TDRD5: variants seen among roughly 807,000 people sequenced by gnomAD.
TDRD5 encodes tudor domain-containing protein 5.
In TDRD5, 41 loss-of-function variants were observed where a neutral mutation model predicts 120.6. The ratio of observed to expected loss-of-function variants is 0.34; its 90% CI spans 0.26 to 0.44. TDRD5 has a LOEUF of 0.44. TDRD5 is among the 20% of genes least tolerant of loss of function. The pLI is 1.00. For synonymous variants in TDRD5, 430 were observed against 433.7 expected (o/e 0.99, Z 0.11); for missense variants, 1,006 against 1,221.2 (o/e 0.82, Z 2.63).
intron 11 of TDRD5, among the ~76,000 whole-genome samples, chr1:179,644,729 T>A (rs1678248330): frequency 6.6e-6 from 1 of 152,138 alleles, no homozygotes; most frequent in Non-Finnish European, 1.5e-5. Flanking sequence ...ATTTGTATCT[T>A]TTTTAAGGAT....
chr1:179,625,534 T>C (rs2101984424), intron 6 of TDRD5, among the ~76,000 whole-genome samples: 1 of 152,346 alleles, frequency 6.6e-6, no homozygotes, highest in African/African-American at 2.4e-5. Flanking sequence ...GAGTGACTGA[T>C]AAACATATGA....
chr1:179,646,664 G>A (rs867259876), intron 11 of TDRD5, among the ~76,000 whole-genome samples: 11 of 152,174 alleles, frequency 7.2e-5, no homozygotes, highest in South Asian at 4.2e-4. Flanking sequence ...AAGTCAAATC[G>A]TCCCTGTCTG....
chr1:179,651,502 C>T (rs12751914), intron 12 of TDRD5, among the ~76,000 whole-genome samples: 25,920 of 151,896 alleles, frequency 0.17, 2,855 homozygotes, highest in Non-Finnish European at 0.24. Context: ...CTGAAACTGT[C>T]CTAGAGAAGA....
chr1:179,605,674 A>G (rs905587604), intron 4 of TDRD5, among the ~76,000 whole-genome samples: 5 of 152,024 alleles, frequency 3.3e-5, no homozygotes, highest in Non-Finnish European at 5.9e-5. Context: ...TACTGTCACT[A>G]TAGTTTTGCT....
chr1:179,649,098 G>A (rs944009441), intron 11 of TDRD5, among the ~76,000 whole-genome samples: 2 of 152,148 alleles, frequency 1.3e-5, no homozygotes, highest in African/African-American at 4.8e-5. Flanking sequence ...TTTAATAGAT[G>A]TTCCTTTGAA....
intron 4 of TDRD5, among the ~76,000 whole-genome samples, chr1:179,598,945 C>A (rs954777114): frequency 6.6e-6 from 1 of 151,896 alleles, no homozygotes; most frequent in African/African-American, 2.4e-5. Context: ...TTGACTTGTT[C>A]CTAACTATAT....
intron 6 of TDRD5, among the ~76,000 whole-genome samples, chr1:179,623,542 C>T (rs1394107940): frequency 1.3e-5 from 2 of 148,548 alleles, no homozygotes; most frequent in Non-Finnish European, 3.0e-5. Context: ...CTGGTGAATT[C>T]TGTTAAAACA....
chr1:179,681,445 T>TG (rs1214460116), intron 17 of TDRD5, among the ~76,000 whole-genome samples: 66 of 152,302 alleles, frequency 4.3e-4, no homozygotes, highest in Non-Finnish European at 5.9e-5. Context: ...ATCCAGTTCT[T>TG]GCTATTTTTG....
chr1:179,617,992 T>G (rs971431620), intron 4 of TDRD5, among the ~76,000 whole-genome samples: 1 of 152,162 alleles, frequency 6.6e-6, no homozygotes, highest in African/African-American at 2.4e-5. Flanking sequence ...ATGTCTGACC[T>G]CCCTCCTCTT....
chr1:179,593,174 A>G (rs1035502288), intron 2 of TDRD5, among the ~76,000 whole-genome samples: 4 of 152,196 alleles, frequency 2.6e-5, no homozygotes, highest in Non-Finnish European at 1.5e-5. Context: ...ACAAGAAAAA[A>G]CTATTGTAGG....
Position 179,618,198 on chromosome 1 carries a change from G to A in TDRD5, c.832-401G>A, listed in dbSNP as rs1466332414. On this transcript the variant is annotated intron_variant, in intron 4 of 17. Coordinates refer to ENST00000444136, the MANE Select transcript of TDRD5 (RefSeq NM_001199085.3). ...GTCCTTTAGGGCCAGTTGTCCCACC[G>A]TCCAGGGACGTTCCACCATCCCATC... Among the ~76,000 whole-genome samples, 3 of 152,112 alleles carry A rather than the reference G, an allele frequency of 2.0e-5. No individual in the cohort carries two copies. In the South Asian group the frequency reaches 6.2e-4, roughly 32 times the overall value.
chr1:179,630,895 T>G lies in TDRD5; in HGVS notation c.1101T>G (p.Asp367Glu). 6.2e-7 allele frequency: 1 copy of G among 1,613,564 alleles called. No individual in the cohort carries two copies. Among genetic ancestry groups the G allele is most frequent in the Non-Finnish European group, 8.5e-7 (1 of 1,179,700 alleles). ...RKGHQDLLVF[D>E]ADKKPLPPVQ... ...GACACCAAGACTTACTAGTGTTTGA[T>G]GCGGATAAGAAGCCTCTACCACCTG... The change falls in exon 7 of 18, where the codon GAT becomes GAG. Residue 367 changes from aspartate to glutamate, a missense_variant. This residue lies in a region of TDRD5 where 445 missense variants were observed against 515.5 expected (regional missense o/e 0.86). Transcript: ENST00000444136.
intron 4 of TDRD5, among the ~76,000 whole-genome samples, chr1:179,596,649 T>A (rs1409429021): frequency 1.3e-5 from 2 of 152,236 alleles, no homozygotes; most frequent in Non-Finnish European, 2.9e-5. Flanking sequence ...TATCAGTAAT[T>A]TGTTCCTTTT....
chr1:179,609,998 C>T (rs1239252377), intron 4 of TDRD5, among the ~76,000 whole-genome samples: 3 of 152,068 alleles, frequency 2.0e-5, no homozygotes, highest in African/African-American at 7.2e-5. Flanking sequence ...CTTCCTACAC[C>T]ATATCCTGAA....
chr1:179,663,299 G>T, intron 15 of TDRD5, 49 bp from the exon 16 acceptor site: 3 of 1,548,612 alleles, frequency 1.9e-6, no homozygotes, highest in Non-Finnish European at 1.7e-6. Flanking sequence ...CTCTTTTTGG[G>T]TCATGTTGCA....
chr1:179,609,159 T>A (rs1254988302), intron 4 of TDRD5, among the ~76,000 whole-genome samples: 2 of 151,872 alleles, frequency 1.3e-5, no homozygotes, highest in East Asian at 3.9e-4. Flanking sequence ...TCAAAGAGAG[T>A]GCTCACCAGG....
chr1:179,688,646 A>G (rs928922885), intron 17 of TDRD5, among the ~76,000 whole-genome samples: 1 of 152,176 alleles, frequency 6.6e-6, no homozygotes, highest in Admixed American at 6.5e-5. Flanking sequence ...GTGTTTTCCA[A>G]CTTGGTTCCA....
intron 2 of TDRD5, 68 bp downstream of exon 2, chr1:179,592,915 C>T (rs1369477518): frequency 6.8e-7 from 1 of 1,463,444 alleles, no homozygotes; most frequent in African/African-American, 1.4e-5. Context: ...AATAATTATT[C>T]TAGTTCTGCA....
intron 13 of TDRD5, among the ~76,000 whole-genome samples, chr1:179,652,443 T>C (rs1459683043): frequency 6.6e-6 from 1 of 152,168 alleles, no homozygotes; most frequent in Non-Finnish European, 1.5e-5. Context: ...CTACACTGCC[T>C]CTGAATGCTA....
Sources: gnomAD v4.1 joint callset for allele counts (sites outside exome capture counted in the v4.1 genomes callset) on GRCh38, gnomAD v4.1.1 for gene constraint, gnomAD v4.1.1 regional missense constraint, MANE v1.5 for transcripts, NCBI Gene and HGNC (gene_info 2026-07-23, HGNC 2026-07-21) for gene names.